The following NAV2 variants were observed in gnomAD, a reference collection of about 807,000 sequenced individuals.
NAV2 encodes helicase, APC down-regulated 1.
A neutral mutation model predicts 223.2 loss-of-function variants in NAV2; 54 were observed. That is an observed-to-expected ratio of 0.24 (90% CI 0.19 to 0.30). NAV2 has a LOEUF of 0.30. NAV2 is among the 10% of genes least tolerant of loss of function. NAV2 has a pLI of 1.00. For missense variants in NAV2, 2,806 were observed against 3,147.5 expected (o/e 0.89, Z 2.60); for synonymous variants, 1,279 against 1,239.3 (o/e 1.03, Z -0.67).
chr11:19,378,310 C>A (rs1479548915), intron 1 of NAV2, among the ~76,000 whole-genome samples: 1 of 152,120 alleles, frequency 6.6e-6, no homozygotes, highest in Non-Finnish European at 1.5e-5. Flanking sequence ...CAGTCGTCAC[C>A]ACCTTGGGGT....
At chr11:19,983,628 G>A (rs911961851) in intron 10 of NAV2, among the ~76,000 whole-genome samples, 1 of 152,258 alleles carries the variant, frequency 6.6e-6, no homozygotes. Flanking sequence ...GAAGGGACTC[G>A]CCTGTGATGG....
chr11:20,106,177 GTGTGTGTATATATATATATATA>G (rs1565089049), intron 35 of NAV2, among the ~76,000 whole-genome samples: 635 of 13,820 alleles, frequency 0.046, 118 homozygotes, highest in African/African-American at 0.076. Context: ...ATATATATAT[GTGTGTGTATATATATATATATA>G]TATATATATA....
intron 10 of NAV2, among the ~76,000 whole-genome samples, chr11:19,974,495 T>TTAA (rs1167169563): frequency 2.0e-5 from 3 of 152,200 alleles, no homozygotes; most frequent in African/African-American, 7.2e-5. Context: ...ATACAAAATA[T>TTAA]TAATAATAGC....
chr11:19,892,898 A>G (rs1279707366), intron 6 of NAV2, among the ~76,000 whole-genome samples: 6 of 152,216 alleles, frequency 3.9e-5, no homozygotes. Flanking sequence ...TTCATGGAAT[A>G]TGTTCCATAT....
chr11:19,894,173 G>A lies in NAV2; in HGVS notation c.931+1579G>A, dbSNP rs531169907. ...GAAAGATGAAACTAAAGCAAAGAAAGTTTAAGTACTTGCTGAAGTCATATC... is the reference window on the plus strand; with the variant it reads ...GAAAGATGAAACTAAAGCAAAGAAAATTTAAGTACTTGCTGAAGTCATATC... On this transcript the variant is annotated intron_variant, in intron 6 of 37. Coordinates refer to ENST00000349880, the MANE Select transcript of NAV2 (RefSeq NM_145117.5). 3.9e-5 allele frequency among the ~76,000 whole-genome samples: 6 copies of A among 152,308 alleles called. No homozygotes were observed. In the South Asian group the frequency reaches 1.2e-3, roughly 32 times the overall value.
chr11:19,990,124 C>T (rs1260624948), intron 11 of NAV2, among the ~76,000 whole-genome samples: 1 of 152,198 alleles, frequency 6.6e-6, no homozygotes, highest in South Asian at 2.1e-4. Flanking sequence ...TTGCCCTCAC[C>T]CCTTTTCTCA....
chr11:19,467,456 A>T (rs1028395049), intron 1 of NAV2, among the ~76,000 whole-genome samples: 8 of 152,210 alleles, frequency 5.3e-5, no homozygotes, highest in Non-Finnish European at 1.0e-4. Context: ...AGACAAGAAA[A>T]TCACTCGTGG....
chr11:19,875,417 C>T (rs1489331608), intron 4 of NAV2, among the ~76,000 whole-genome samples: 1 of 152,120 alleles, frequency 6.6e-6, no homozygotes, highest in East Asian at 1.9e-4. Context: ...GAATACCATA[C>T]CAAAAGTGAA....
At chr11:20,088,635 A>G (rs2060612279) in intron 26 of NAV2, among the ~76,000 whole-genome samples, 1 of 152,190 alleles carries the variant, frequency 6.6e-6, no homozygotes, top group Non-Finnish European at 1.5e-5. Flanking sequence ...CCGTTTGTAA[A>G]GTCAAGGGTT....
chr11:19,546,495 C>G (rs545951531), intron 1 of NAV2, among the ~76,000 whole-genome samples: 2 of 152,316 alleles, frequency 1.3e-5, no homozygotes, highest in East Asian at 3.9e-4. Flanking sequence ...TTTGCAGAAT[C>G]CTCAGCTTTC....
intron 2 of NAV2, 45 bp from the exon 3 acceptor site, chr11:19,842,826 G>GTC (rs1211024016): frequency 1.3e-6 from 2 of 1,595,590 alleles, no homozygotes; most frequent in Admixed American, 1.7e-5. Flanking sequence ...TACTGAAAGT[G>GTC]TCTCTCTGGT....
At chr11:19,942,334 C>A (rs2046469947) in intron 8 of NAV2, among the ~76,000 whole-genome samples, 1 of 152,096 alleles carries the variant, frequency 6.6e-6, no homozygotes, top group Admixed American at 6.5e-5. Flanking sequence ...TGGAGGAAGG[C>A]AAATATTTCC....
intron 3 of NAV2, among the ~76,000 whole-genome samples, chr11:19,843,580 A>T (rs1401532053): frequency 2.0e-5 from 3 of 152,154 alleles, no homozygotes; most frequent in Admixed American, 6.5e-5. Context: ...GTCATTGTTG[A>T]GTTCAGAAAA....
chr11:19,919,896 G>A (rs6483619), intron 6 of NAV2, among the ~76,000 whole-genome samples: 1,888 of 152,256 alleles, frequency 0.012, 37 homozygotes, highest in African/African-American at 0.043. Context: ...GACTTTGGGA[G>A]GCCAAGACAG....
At chr11:19,965,130 T>A (rs2048661959) in intron 10 of NAV2, among the ~76,000 whole-genome samples, 2 of 151,966 alleles carry the variant, frequency 1.3e-5, no homozygotes, top group South Asian at 4.2e-4. Context: ...CCTATTTTAA[T>A]CTCTATGTTC....
At chr11:20,088,074 G>A (rs897204172) in intron 26 of NAV2, among the ~76,000 whole-genome samples, 1 of 152,176 alleles carries the variant, frequency 6.6e-6, no homozygotes, top group Non-Finnish European at 1.5e-5. Context: ...AATTATCAGC[G>A]ATACAGCATA....
At chr11:19,801,584 T>C (rs1169333139) in intron 1 of NAV2, among the ~76,000 whole-genome samples, 2 of 152,212 alleles carry the variant, frequency 1.3e-5, no homozygotes, top group South Asian at 2.1e-4. Context: ...GTCAGGCACA[T>C]GGACCTCCTA....
At chr11:19,529,085 G>A (rs762695401) in intron 1 of NAV2, among the ~76,000 whole-genome samples, 2 of 152,110 alleles carry the variant, frequency 1.3e-5, no homozygotes, top group Non-Finnish European at 2.9e-5. Flanking sequence ...CACACTCCAG[G>A]TCGGAAAGAA....
In NAV2 at chr11:20,105,495, A is replaced by G. The variant is rs1172535491; in HGVS notation, c.6645-36A>G. On this transcript the variant is annotated intron_variant, in intron 34 of 37. Coordinates refer to ENST00000349880, the MANE Select transcript of NAV2 (RefSeq NM_145117.5). ...GAGGTCAGCCATCATTTGGATCACC[A>G]TCATCAGCTTGAAAAGTGTTTCTGA... 3.8e-6 allele frequency: 6 copies of G among 1,577,390 alleles called. No individual in the cohort carries two copies. The South Asian group carries it at 6.9e-5, about 18-fold the overall frequency.
Sources: gnomAD v4.1 joint callset for allele counts (sites outside exome capture counted in the v4.1 genomes callset) on GRCh38, gnomAD v4.1.1 for gene constraint, MANE v1.5 for transcripts, NCBI Gene and HGNC (gene_info 2026-07-23, HGNC 2026-07-21) for gene names.